Variants in ZNF490 observed in about 807,000 individuals in gnomAD.
ZNF490 encodes zinc finger protein 490.
A neutral mutation model predicts 17.7 loss-of-function variants in ZNF490; 11 were observed. The observed-to-expected ratio is 0.62, with a 90% CI of 0.39 to 1.03. ZNF490 has a LOEUF of 1.03. Ranked by LOEUF, ZNF490 falls within the 50% of genes least tolerant of loss-of-function variation. The pLI, the probability that ZNF490 is intolerant of heterozygous loss-of-function variation, is 0.00. For missense variants in ZNF490, 542 were observed against 643.4 expected (o/e 0.84, Z 1.71); for synonymous variants, 222 against 216.1 (o/e 1.03, Z -0.24).
rs548297245 is a variant in ZNF490 at position 12,600,372 on chromosome 19, AAAAAG to A, written c.162+8781_162+8785del. ...AAGAGCGAGACTCTGTCTCAAAAAA[AAAAAG>A]AAAAGAAAAGAATTGGGTTTAACAG... is the stretch of plus-strand genomic sequence containing the variant. On this transcript the variant is annotated intron_variant, in intron 2 of 4. Transcript: ENST00000311437. Among the ~76,000 whole-genome samples, 699 of 152,244 alleles carry A rather than the reference AAAAAG, an allele frequency of 4.6e-3. 8 individuals carry two copies. The highest frequency in any genetic ancestry group is 0.016 in the African/African-American group (684 of 41,526).
intron 2 of ZNF490, among the ~76,000 whole-genome samples, chr19:12,594,132 A>G (rs2022904593): frequency 6.6e-6 from 1 of 152,194 alleles, no homozygotes. Flanking sequence ...ACTTATGGTC[A>G]TCATGGATAA....
rs764180646 is a variant in ZNF490, at chr19:12,583,411, G to A, written c.289+19C>T. On this transcript the variant is annotated intron_variant, in intron 3 of 4. Coordinates refer to ENST00000311437, the MANE Select transcript of ZNF490 (RefSeq NM_020714.3). The stretch of plus-strand genomic sequence containing the variant: ...CCTGTTCCCTCCTTAATTAAGTAGA[G>A]AAATTATGTCACCCTTACCTATACA... The A allele has an allele frequency of 5.7e-6, 9 of 1,571,748 alleles. No individual in the cohort carries two copies. Among genetic ancestry groups the A allele is most frequent in the Non-Finnish European group, 6.9e-6 (8 of 1,157,280 alleles).
At position 12,580,011 on chromosome 19, in the gene ZNF490, G is replaced by T; in HGVS notation, c.*474C>A. ...AATCCCAGCTTCTTGGGAGGCTGCG[G>T]CAGGAGAATTGCTTGAATCCGGGAG... On this transcript the variant is annotated 3_prime_UTR_variant, in exon 5 of 5. Coordinates refer to ENST00000311437, the MANE Select transcript of ZNF490 (RefSeq NM_020714.3). 2 of 341,906 alleles carry T rather than the reference G, an allele frequency of 5.8e-6. No homozygotes were observed. Among genetic ancestry groups the T allele is most frequent in the Non-Finnish European group, 8.3e-6 (2 of 241,186 alleles). 21.2% of individuals were successfully genotyped at this position (341,906 alleles called of 1,614,324 possible).
In ZNF490 at chr19:12,583,551, G is replaced by A. The variant is rs1265920464; in HGVS notation, c.168C>T (p.Ser56=). Residue 56 remains serine, a synonymous_variant, in exon 3 of 5, where the codon TCC becomes TCT. Coordinates refer to ENST00000311437, the MANE Select transcript of ZNF490 (RefSeq NM_020714.3). ...HGQSIKTQTD[S]ISLEDVAVNF... The stretch of plus-strand genomic sequence containing the variant: ...TCACAGCCACATCCTCAAGGGAGAT[G>A]GAGTCCTAAAACATCCCCCATGTGT... 3.8e-6 allele frequency: 6 copies of A among 1,595,736 alleles called. No individual in the cohort carries two copies. Among genetic ancestry groups the A allele is most frequent in the South Asian group, 1.1e-5 (1 of 90,688 alleles).
At position 12,576,419 on chromosome 19, in the gene ZNF490, T is replaced by C. The variant is rs2022635912; in HGVS notation, c.*4066A>G. Among the ~76,000 whole-genome samples the C allele has an allele frequency of 6.6e-6, 1 of 151,084 alleles. No homozygotes were observed. Among genetic ancestry groups the C allele is most frequent in the Non-Finnish European group, 1.5e-5 (1 of 67,810 alleles). The stretch of plus-strand genomic sequence containing the variant: ...TACTCAGGAGGCTGAAACAGGAGAA[T>C]TGCTTGAACCTGGGAGGCAGAGATT... On this transcript the variant is annotated 3_prime_UTR_variant, in exon 5 of 5. Transcript: ENST00000311437.
At chr19:12,589,015 T>G (rs577175629) in intron 2 of ZNF490, among the ~76,000 whole-genome samples, 1 of 152,240 alleles carries the variant, frequency 6.6e-6, no homozygotes, top group South Asian at 2.1e-4. Flanking sequence ...ATAATCTCAG[T>G]GTCTAACTTA....
At chr19:12,595,103 G>A (rs555340395) in intron 2 of ZNF490, among the ~76,000 whole-genome samples, 11 of 151,978 alleles carry the variant, frequency 7.2e-5, no homozygotes, top group Admixed American at 3.3e-4. Context: ...AACTAATGTC[G>A]GAGAGGCCTG....
rs1174789388 is a variant in ZNF490, at chr19:12,581,609, A to G, written c.466T>C (p.Cys156Arg). 1.9e-6 allele frequency: 3 copies of G among 1,614,172 alleles called. No homozygotes were observed. The highest frequency in any genetic ancestry group is 2.2e-5 in the East Asian group (1 of 44,886). Residue 156 changes from cysteine (C) to arginine (R), a missense_variant, in exon 5 of 5, where the codon TGT (cysteine) becomes CGT (arginine). Coordinates refer to ENST00000311437, the MANE Select transcript of ZNF490 (RefSeq NM_020714.3). The part of the protein sequence containing the change: ...NLETPTGLKP[C>R]DCSVCGEVFM... Reference sequence around the variant, plus strand: ...ACTTCCCCACACACACTGCAGTCACATGGTTTTAATCCAGTAGGAGTTTCC... The same window carrying G: ...ACTTCCCCACACACACTGCAGTCACGTGGTTTTAATCCAGTAGGAGTTTCC...
In ZNF490 at chr19:12,577,472, TTGAGTAA is replaced by T; in HGVS notation, c.*3006_*3012del. On this transcript the variant is annotated 3_prime_UTR_variant, in exon 5 of 5. Coordinates refer to ENST00000311437, the MANE Select transcript of ZNF490 (RefSeq NM_020714.3). ...AGAATGTGAAAGGACCTGAAATGGG[TTGAGTAA>T]TAATGTTCCAACCCCTCATACTACC... The T allele has an allele frequency of 1.0e-6, 1 of 985,066 alleles. No individual in the cohort carries two copies. The highest frequency in any genetic ancestry group is 1.2e-6 in the Non-Finnish European group (1 of 829,874). The allele number at this position is 985,066 out of a possible 1,614,324, so 61.0% of individuals were successfully genotyped here. A position where few individuals can be genotyped will look rare whatever the true frequency, so the allele number is the denominator to read the frequency against.
chr19:12,590,109 G>T (rs2022851689), intron 2 of ZNF490, among the ~76,000 whole-genome samples: 1 of 151,850 alleles, frequency 6.6e-6, no homozygotes. Flanking sequence ...TAGAGACGGG[G>T]TTTCACCATA....
chr19:12,601,573 T>C (rs537070668), intron 2 of ZNF490, among the ~76,000 whole-genome samples: 87 of 152,090 alleles, frequency 5.7e-4, no homozygotes, highest in Non-Finnish European at 7.7e-4. Flanking sequence ...TTATAAGATA[T>C]GAGGTTGCAC....
rs955253690 is a variant in ZNF490 at position 12,608,759 on chromosome 19, G to T, written c.162+399C>A. ...CAAAGTGCTGAGATTACAGGCATGA[G>T]CTACTACACCCAGCCATTTTTTTTA... On this transcript the variant is annotated intron_variant, in intron 2 of 4. Coordinates refer to ENST00000311437, the MANE Select transcript of ZNF490 (RefSeq NM_020714.3). 3.3e-5 allele frequency among the ~76,000 whole-genome samples: 5 copies of T among 152,258 alleles called. No homozygotes were observed. The East Asian group carries it at 9.6e-4, about 29-fold the overall frequency.
At chr19:12,609,640 T>G (rs1397341049) in intron 1 of ZNF490, among the ~76,000 whole-genome samples, 1 of 152,190 alleles carries the variant, frequency 6.6e-6, no homozygotes. Context: ...TAGGGACACT[T>G]TAGAAAACTT....
intron 2 of ZNF490, among the ~76,000 whole-genome samples, chr19:12,598,082 GGCGTGGTGGCACGC>G (rs1426002222): frequency 6.6e-6 from 1 of 151,774 alleles, no homozygotes; most frequent in African/African-American, 2.4e-5. Flanking sequence ...AAATTAGCTG[GGCGTGGTGGCACGC>G]GCCTGTAATC....
At chr19:12,587,125 CTT>C (rs544385567) in intron 2 of ZNF490, among the ~76,000 whole-genome samples, 9 of 67,932 alleles carry the variant, frequency 1.3e-4, no homozygotes, top group Non-Finnish European at 1.9e-4. Flanking sequence ...AAGAAATTCG[CTT>C]TTTTTTTTTT....
Position 12,576,552 on chromosome 19 carries a change from C to T in ZNF490, c.*3933G>A, listed in dbSNP as rs756684305. ...ATAACCAGCCAGGCAGAGTGGCTCA[C>T]GCCTGTAATCCCAGCACTTTGGGGA... is the stretch of plus-strand genomic sequence containing the variant. On this transcript the variant is annotated 3_prime_UTR_variant, in exon 5 of 5. Transcript: ENST00000311437. Among the ~76,000 whole-genome samples, 9 of 149,984 alleles carry T rather than the reference C, an allele frequency of 6.0e-5. No individual in the cohort carries two copies. Among genetic ancestry groups the T allele is most frequent in the Non-Finnish European group, 1.3e-4 (9 of 67,634 alleles).
intron 2 of ZNF490, among the ~76,000 whole-genome samples, chr19:12,587,179 C>T (rs1399344387): frequency 1.2e-5 from 1 of 85,296 alleles, no homozygotes. Context: ...CTCTGTCACC[C>T]AGGCTGGAGT....
Position 12,578,700 on chromosome 19 carries a change from T to G in ZNF490, c.*1785A>C. 1.0e-6 allele frequency: 1 copy of G among 985,436 alleles called. No individual in the cohort carries two copies. The highest frequency in any genetic ancestry group is 1.7e-5 in the African/African-American group (1 of 57,372). The allele number at this position is 985,436 out of a possible 1,614,324, so 61.0% of individuals were successfully genotyped here. ...CTGACCCGAGGACACTGATGGAAAC[T>G]TAAAAGGCAGATTCTGGGAGTCTTC... On this transcript the variant is annotated 3_prime_UTR_variant, in exon 5 of 5. Transcript: ENST00000311437.
intron 2 of ZNF490, chr19:12,597,070 G>C (rs1293478724): frequency 6.6e-6 from 3 of 456,648 alleles, no homozygotes; most frequent in Non-Finnish European, 1.3e-5. Context: ...AGCTGCGCCA[G>C]GGGGACTCGG....
Sources: allele counts gnomAD v4.1 joint callset (sites outside exome capture counted in the v4.1 genomes callset), GRCh38; gene constraint gnomAD v4.1.1; transcripts MANE v1.5; gene names NCBI Gene and HGNC (gene_info 2026-07-23, HGNC 2026-07-21).